C4orf51: variants seen among roughly 807,000 people sequenced by gnomAD.
The protein encoded by C4orf51 is chromosome 4 open reading frame 51.
C4orf51 carries 25 observed loss-of-function variants against 25.2 expected under a neutral mutation model. The ratio of observed to expected loss-of-function variants is 0.99; its 90% CI spans 0.72 to 1.39. The LOEUF (loss-of-function observed/expected upper bound fraction) is 1.39, where lower values mean the gene tolerates loss of function less well. Among genes scored for constraint, C4orf51 ranks in the 40% most tolerant of loss-of-function variants. The pLI is 0.00. For synonymous variants in C4orf51, 100 were observed against 84.5 expected (o/e 1.18, Z -1.01); for missense variants, 252 against 239.6 (o/e 1.05, Z -0.34).
chr4:145,714,519 CTGTT>C (rs1305605080), intron 2 of C4orf51, among the ~76,000 whole-genome samples: 2 of 152,116 alleles, frequency 1.3e-5, no homozygotes, highest in Non-Finnish European at 2.9e-5. Context: ...TTTTTTGTTT[CTGTT>C]TGTTGAACTT....
intron 2 of C4orf51, among the ~76,000 whole-genome samples, chr4:145,701,712 C>T (rs1203891152): frequency 6.6e-6 from 1 of 151,926 alleles, no homozygotes; most frequent in Non-Finnish European, 1.5e-5. Context: ...GCCTGTTTCC[C>T]TTGCCTCCAT....
At chr4:145,757,279 C>A (rs1734018383), downstream of C4orf51, among the ~76,000 whole-genome samples, 1 of 152,148 alleles carries the variant, frequency 6.6e-6, no homozygotes, top group East Asian at 1.9e-4. Flanking sequence ...TCTGTTTTCC[C>A]CCCTTTGGCT....
rs141971232 is a variant in C4orf51, at chr4:145,746,481, C to G, written n.168-7726C>G. Among the ~76,000 whole-genome samples the G allele has an allele frequency of 7.6e-3, 1,157 of 152,216 alleles. 15 individuals are homozygous for G. Among genetic ancestry groups the G allele is most frequent in the African/African-American group, 0.024 (999 of 41,538 alleles). ...TTTATTGTAGAGACCATCTTTCCCCCCAAGGTATGTTCTTGGCACCTTTGT... is the reference window on the plus strand; with the variant it reads ...TTTATTGTAGAGACCATCTTTCCCCGCAAGGTATGTTCTTGGCACCTTTGT... On this transcript the variant is annotated intron_variant and non_coding_transcript_variant, in intron 1 of 1. Coordinates refer to the C4orf51 transcript ENST00000508981.
chr4:145,733,362 C>G (rs1732612321), downstream of C4orf51, among the ~76,000 whole-genome samples: 2 of 152,192 alleles, frequency 1.3e-5, no homozygotes, highest in African/African-American at 2.4e-5. Context: ...CCGCGGAGCG[C>G]GCGGGAGGGA....
intron 2 of C4orf51, among the ~76,000 whole-genome samples, chr4:145,711,011 A>T (rs1055669355): frequency 6.6e-6 from 1 of 151,982 alleles, no homozygotes; most frequent in East Asian, 1.9e-4. Flanking sequence ...CCCCGAATTT[A>T]TAAGTAACTA....
intron 2 of C4orf51, among the ~76,000 whole-genome samples, chr4:145,702,314 T>A (rs112814722): frequency 5.9e-5 from 9 of 151,452 alleles, no homozygotes; most frequent in East Asian, 3.9e-4. Flanking sequence ...CTCCCTCTAC[T>A]ACCCATTATT....
At chr4:145,704,750 T>C (rs994483804) in intron 2 of C4orf51, among the ~76,000 whole-genome samples, 3 of 152,224 alleles carry the variant, frequency 2.0e-5, no homozygotes, top group African/African-American at 7.2e-5. Context: ...CAATCGCAAC[T>C]CTTGCCTCCT....
At chr4:145,733,221 C>A (rs958502255), downstream of C4orf51, among the ~76,000 whole-genome samples, 1 of 152,042 alleles carries the variant, frequency 6.6e-6, no homozygotes, top group Non-Finnish European at 1.5e-5. Context: ...CCGGAGCGGC[C>A]GTCTCCTTCT....
At chr4:145,779,326 T>G in the C4orf51 span, 1 of 1,588,076 alleles carries the variant, frequency 6.3e-7, no homozygotes, top group African/African-American at 1.4e-5. Context: ...AGTAAAGAAG[T>G]TGGTGATGGA....
At chr4:145,698,058 G>T (rs1730183364) in intron 2 of C4orf51, among the ~76,000 whole-genome samples, 1 of 152,106 alleles carries the variant, frequency 6.6e-6, no homozygotes, top group South Asian at 2.1e-4. Flanking sequence ...GTTTTGATTT[G>T]CATTTCCCTG....
At chr4:145,782,764 C>T in the C4orf51 span, among the ~76,000 whole-genome samples, 2 of 152,176 alleles carry the variant, frequency 1.3e-5, no homozygotes, top group African/African-American at 4.8e-5. Context: ...CTTTGGCCAC[C>T]TCCCACCACC....
At chr4:145,707,228 C>T (rs768143513) in intron 2 of C4orf51, among the ~76,000 whole-genome samples, 5 of 152,176 alleles carry the variant, frequency 3.3e-5, no homozygotes, top group Non-Finnish European at 5.9e-5. Flanking sequence ...CGTGAGCCAC[C>T]GCGCCAGGCC....
chr4:145,705,462 C>T (rs924418055), intron 2 of C4orf51, among the ~76,000 whole-genome samples: 2 of 151,668 alleles, frequency 1.3e-5, no homozygotes, highest in Non-Finnish European at 2.9e-5. Flanking sequence ...CCTACTGTAA[C>T]ATTTTCCCCC....
chr4:145,777,685 G>T, the C4orf51 span, among the ~76,000 whole-genome samples: 1 of 151,972 alleles, frequency 6.6e-6, no homozygotes, highest in East Asian at 1.9e-4. Context: ...AGGCTTAACA[G>T]GATTTATCTA....
rs55700691 is a variant in C4orf51, at chr4:145,750,412, GTTT to G, written n.168-3775_168-3773del. On this transcript the variant is annotated intron_variant and non_coding_transcript_variant, in intron 1 of 1. Coordinates refer to the C4orf51 transcript ENST00000508981. ...CCAGATACACTATTCTAGGGTAAAA[GTTT>G]TTTTTTTTTTTTTTTTTTTCCTTTA... 2.7e-3 allele frequency among the ~76,000 whole-genome samples: 291 copies of G among 108,122 alleles called. 2 individuals carry two copies. The highest frequency in any genetic ancestry group is 6.6e-3 in the East Asian group (25 of 3,810). The allele number at this position is 108,122 out of a possible 152,430, so 70.9% of individuals were successfully genotyped here.
At chr4:145,703,971 G>A (rs1336935845) in intron 2 of C4orf51, among the ~76,000 whole-genome samples, 1 of 152,164 alleles carries the variant, frequency 6.6e-6, no homozygotes, top group East Asian at 1.9e-4. Flanking sequence ...GCATCCACGG[G>A]AGCCTTCAGA....
chr4:145,753,334 A>G (rs1733784308), intron 1 of C4orf51, among the ~76,000 whole-genome samples: 1 of 151,962 alleles, frequency 6.6e-6, no homozygotes, highest in African/African-American at 2.4e-5. Flanking sequence ...GGTCCCACAC[A>G]TACATATTTA....
chr4:145,759,350 C>G (rs1734214513), downstream of C4orf51: 1 of 152,182 alleles, frequency 6.6e-6, no homozygotes, highest in Non-Finnish European at 1.5e-5. Flanking sequence ...CAACCCACAC[C>G]TGCTTCCTGC....
chr4:145,727,177 T>G (rs1251165627), intron 3 of C4orf51, among the ~76,000 whole-genome samples: 2 of 152,376 alleles, frequency 1.3e-5, no homozygotes, highest in South Asian at 4.1e-4. Context: ...TGTGAACAAC[T>G]GATGATACTG....
Sources: allele counts gnomAD v4.1 joint callset (sites outside exome capture counted in the v4.1 genomes callset), GRCh38; gene constraint gnomAD v4.1.1; transcripts MANE v1.5; gene names NCBI Gene and HGNC (gene_info 2026-07-23, HGNC 2026-07-21).